Variants in PABPC4L observed in about 807,000 individuals in gnomAD.
PABPC4L encodes the protein poly(A) binding protein cytoplasmic 4 like, also known as polyadenylate-binding protein 4-like.
For missense variants in PABPC4L, 452 were observed against 451.4 expected (o/e 1.00, Z -0.01); for synonymous variants, 169 against 164.1 (o/e 1.03, Z -0.23).
the PABPC4L span, among the ~76,000 whole-genome samples, chr4:133,999,625 C>A: frequency 6.6e-6 from 1 of 151,936 alleles, no homozygotes; most frequent in Admixed American, 6.6e-5. Context: ...TAAGATATAT[C>A]TAATTTAGTG....
chr4:134,015,619 A>G, the PABPC4L span, among the ~76,000 whole-genome samples: 128 of 152,254 alleles, frequency 8.4e-4, no homozygotes, highest in Non-Finnish European at 1.6e-3. Flanking sequence ...TCATAAAAAC[A>G]CATGTGCTCT....
chr4:134,072,136 A>T, the PABPC4L span, among the ~76,000 whole-genome samples: 2 of 152,166 alleles, frequency 1.3e-5, no homozygotes, highest in African/African-American at 4.8e-5. Context: ...ATGAGTATAA[A>T]ACAACCAATG....
chr4:134,115,523 G>C, the PABPC4L span, among the ~76,000 whole-genome samples: 1 of 151,800 alleles, frequency 6.6e-6, no homozygotes, highest in Admixed American at 6.6e-5. Context: ...AGGAGATCTA[G>C]AATAAGAGAA....
the PABPC4L span, among the ~76,000 whole-genome samples, chr4:134,115,144 A>G: frequency 6.6e-6 from 1 of 151,834 alleles, no homozygotes; most frequent in African/African-American, 2.4e-5. Context: ...CATGTTTTCA[A>G]AGAGATAACA....
chr4:133,994,159 C>A, the PABPC4L span, among the ~76,000 whole-genome samples: 1 of 152,064 alleles, frequency 6.6e-6, no homozygotes, highest in Non-Finnish European at 1.5e-5. Flanking sequence ...AAAAGTCTCC[C>A]TTTGCCAGAC....
the PABPC4L span, among the ~76,000 whole-genome samples, chr4:133,956,263 T>A: frequency 6.6e-6 from 1 of 152,216 alleles, no homozygotes; most frequent in Non-Finnish European, 1.5e-5. Flanking sequence ...ATAATTAGTA[T>A]GGTTCTTGTG....
At chr4:134,128,689 A>C in the PABPC4L span, among the ~76,000 whole-genome samples, 72,228 of 151,890 alleles carry the variant, frequency 0.48, 20,367 homozygotes, top group East Asian at 0.98. Context: ...TCAAAATACA[A>C]CAAACTAGAA....
the PABPC4L span, among the ~76,000 whole-genome samples, chr4:133,957,070 A>C: frequency 6.6e-6 from 1 of 152,288 alleles, no homozygotes; most frequent in South Asian, 2.1e-4. Flanking sequence ...AAACACAGTC[A>C]TGCCTTTACA....
the PABPC4L span, among the ~76,000 whole-genome samples, chr4:134,156,155 T>G: frequency 6.6e-6 from 1 of 151,960 alleles, no homozygotes; most frequent in Non-Finnish European, 1.5e-5. Flanking sequence ...GCAGATAATT[T>G]ACATGTTCAT....
chr4:134,003,352 A>G, the PABPC4L span, among the ~76,000 whole-genome samples: 4 of 151,936 alleles, frequency 2.6e-5, no homozygotes, highest in African/African-American at 9.7e-5. Context: ...TATTCCTCTT[A>G]GAACTTATCA....
the PABPC4L span, among the ~76,000 whole-genome samples, chr4:133,995,410 C>T: frequency 5.9e-5 from 9 of 152,096 alleles, no homozygotes; most frequent in East Asian, 1.9e-4. Flanking sequence ...TGTAAGTCCC[C>T]AGACTGGGGC....
At chr4:134,123,883 C>T in the PABPC4L span, among the ~76,000 whole-genome samples, 1 of 151,256 alleles carries the variant, frequency 6.6e-6, no homozygotes, top group Non-Finnish European at 1.5e-5. Flanking sequence ...AGATGCAGAG[C>T]TGCAATTGAA....
chr4:133,988,353 C>A, the PABPC4L span, among the ~76,000 whole-genome samples: 2 of 152,142 alleles, frequency 1.3e-5, no homozygotes, highest in Non-Finnish European at 1.5e-5. Flanking sequence ...AAACTGAAAG[C>A]AAATTAGTTA....
the PABPC4L span, among the ~76,000 whole-genome samples, chr4:133,949,347 G>A: frequency 6.6e-6 from 1 of 152,100 alleles, no homozygotes; most frequent in South Asian, 2.1e-4. Context: ...GGTCTCAGGG[G>A]TGGAGGCCCT....
At chr4:134,107,134 C>G in the PABPC4L span, among the ~76,000 whole-genome samples, 1,472 of 150,374 alleles carry the variant, frequency 9.8e-3, 15 homozygotes, top group Non-Finnish European at 0.015. Context: ...TTTTTTTTTC[C>G]TTTTTGTTTC....
At chr4:134,069,749 G>A in the PABPC4L span, among the ~76,000 whole-genome samples, 23 of 151,922 alleles carry the variant, frequency 1.5e-4, no homozygotes, top group East Asian at 9.7e-4. Flanking sequence ...AAATCCTTGC[G>A]TTGGGATTTG....
At chr4:134,181,955 T>C in the PABPC4L span, among the ~76,000 whole-genome samples, 16 of 151,510 alleles carry the variant, frequency 1.1e-4, no homozygotes, top group South Asian at 2.1e-4. Flanking sequence ...ATTGACATAT[T>C]CAATGCTATA....
chr4:134,025,972 T>C, the PABPC4L span, among the ~76,000 whole-genome samples: 1 of 152,174 alleles, frequency 6.6e-6, no homozygotes, highest in African/African-American at 2.4e-5. Flanking sequence ...TTAAAAGTAA[T>C]ACATTTTTCC....
At chr4:134,001,806 A>T in the PABPC4L span, among the ~76,000 whole-genome samples, 1 of 152,124 alleles carries the variant, frequency 6.6e-6, no homozygotes, top group Non-Finnish European at 1.5e-5. Flanking sequence ...ACAATTATAA[A>T]TCATATCTAT....
Sources: allele counts gnomAD v4.1 joint callset (sites outside exome capture counted in the v4.1 genomes callset), GRCh38; gene constraint gnomAD v4.1.1; transcripts MANE v1.5; gene names NCBI Gene and HGNC (gene_info 2026-07-23, HGNC 2026-07-21).